NAPB: variants seen among roughly 807,000 people sequenced by gnomAD.
NAPB encodes beta-soluble NSF attachment protein.
A neutral mutation model predicts 44.7 loss-of-function variants in NAPB; 26 were observed. The ratio of observed to expected loss-of-function variants is 0.58; its 90% CI spans 0.43 to 0.81. The LOEUF is 0.81. Among genes scored for constraint, NAPB ranks in the 30% least tolerant of loss-of-function variants. The probability of loss-of-function intolerance (pLI) is 0.00; values close to 1 mark genes in which losing one functional copy is unlikely to be tolerated. For missense variants in NAPB, 315 were observed against 356.4 expected, an observed-to-expected ratio of 0.88 and a Z score of 0.94; for synonymous variants, 120 against 116.8, an observed-to-expected ratio of 1.03 and a Z score of -0.18.
At chr20:23,384,591 C>T (rs1983322856) in intron 7 of NAPB, among the ~76,000 whole-genome samples, 1 of 151,392 alleles carries the variant, frequency 6.6e-6, no homozygotes, top group South Asian at 2.1e-4. Flanking sequence ...CATTTCCCTC[C>T]AGCCTGGGTG....
At position 23,381,287 on chromosome 20, in the gene NAPB, A is replaced by G. The variant is rs1310154061; in HGVS notation, c.592T>C (p.Leu198=). 2 of 1,605,640 alleles carry G rather than the reference A, an allele frequency of 1.2e-6. No individual in the cohort carries two copies. The highest frequency in any genetic ancestry group is 2.7e-5 in the African/African-American group (2 of 74,510). ...AAGTAATCCTTTGCACTGTATTTCAACAAAGGATTATCCATTGTGTTTGCC... is the reference window on the plus strand; with the variant it reads ...AAGTAATCCTTTGCACTGTATTTCAGCAAAGGATTATCCATTGTGTTTGCC... ...VGANTMDNPL[L]KYSAKDYFFK... Residue 198 remains leucine, a synonymous_variant, in exon 8 of 11, where the codon TTG becomes CTG. Coordinates refer to ENST00000377026, the MANE Select transcript of NAPB (RefSeq NM_022080.3).
At chr20:23,397,257 T>G in intron 2 of NAPB, 69 bp from the exon 3 acceptor site, 2 of 1,491,106 alleles carry the variant, frequency 1.3e-6, no homozygotes, top group Non-Finnish European at 1.8e-6. Flanking sequence ...CTGTAAGCAC[T>G]GGACCTCCCT....
chr20:23,381,825 T>C (rs1983026886), intron 7 of NAPB, among the ~76,000 whole-genome samples: 1 of 152,122 alleles, frequency 6.6e-6, no homozygotes, highest in Non-Finnish European at 1.5e-5. Context: ...AGACAATAAC[T>C]GCTCTACTCC....
chr20:23,376,806 C>A lies in NAPB; in HGVS notation c.*570G>T, dbSNP rs938958245. The A allele has an allele frequency of 2.0e-5, 3 of 152,172 alleles. No homozygotes were observed. The highest frequency in any genetic ancestry group is 7.2e-5 in the African/African-American group (3 of 41,428). The allele number at this position is 152,172 out of a possible 1,614,324, so 9.4% of individuals were successfully genotyped here. A position where few individuals can be genotyped will look rare whatever the true frequency, so the allele number is the denominator to read the frequency against. On this transcript the variant is annotated 3_prime_UTR_variant, in exon 11 of 11. Coordinates refer to ENST00000377026, the MANE Select transcript of NAPB (RefSeq NM_022080.3). ...GTGATGCCTACAGACCCTGGCTATT[C>A]TAAATTTTTGCCATGCACATGTTAG... is the stretch of plus-strand genomic sequence containing the variant.
intron 1 of NAPB, among the ~76,000 whole-genome samples, chr20:23,415,361 C>T (rs6083120): frequency 0.08 from 12,072 of 151,844 alleles, 1,120 homozygotes; most frequent in African/African-American, 0.22. Context: ...TTTGGGAGGC[C>T]GAGGTGGACG....
rs754005414 is a variant in NAPB, at chr20:23,397,232, C to CG, written c.179-45_179-44insC. 3 of 1,575,546 alleles carry CG rather than the reference C, an allele frequency of 1.9e-6. No individual in the cohort carries two copies. In the East Asian group the frequency reaches 6.9e-5, roughly 36 times the overall value. On this transcript the variant is annotated intron_variant, in intron 2 of 10. Coordinates refer to ENST00000377026, the MANE Select transcript of NAPB (RefSeq NM_022080.3). Reference sequence around the variant, plus strand: ...TTAAACACAGAGGAACAAGTCCCCCCCAGAGCAGCCCATGCTGTAAGCACT... The same window carrying CG: ...TTAAACACAGAGGAACAAGTCCCCCCGCAGAGCAGCCCATGCTGTAAGCACT...
intron 7 of NAPB, among the ~76,000 whole-genome samples, chr20:23,387,459 C>T (rs75391184): frequency 0.025 from 3,729 of 151,926 alleles, 151 homozygotes; most frequent in African/African-American, 0.084. Context: ...TTGTTATTTG[C>T]AGATAACATG....
intron 8 of NAPB, 69 bp downstream of exon 8, chr20:23,381,144 A>G (rs1157402019): frequency 2.9e-6 from 3 of 1,047,404 alleles, no homozygotes; most frequent in Non-Finnish European, 4.5e-6. Context: ...AATGATACCA[A>G]GAACAAGAGA....
intron 9 of NAPB, 178 bp from the exon 10 acceptor site, chr20:23,379,673 C>G: frequency 1.5e-6 from 1 of 662,380 alleles, no homozygotes; most frequent in South Asian, 2.0e-5. Flanking sequence ...TCTCAGGTGC[C>G]TATTTCAGAA....
At chr20:23,393,223 A>G (rs1984099641) in intron 5 of NAPB, among the ~76,000 whole-genome samples, 1 of 152,186 alleles carries the variant, frequency 6.6e-6, no homozygotes, top group Non-Finnish European at 1.5e-5. Flanking sequence ...CCTTCCAAAG[A>G]GAAGGCTCAC....
rs114458097 is a variant in NAPB, at chr20:23,402,425, C to G, written c.178+568G>C. 7.4e-3 allele frequency among the ~76,000 whole-genome samples: 1,124 copies of G among 152,228 alleles called. 8 individuals are homozygous for G. The highest frequency in any genetic ancestry group is 0.026 in the African/African-American group (1,069 of 41,536). On this transcript the variant is annotated intron_variant, in intron 2 of 10. Coordinates refer to ENST00000377026, the MANE Select transcript of NAPB (RefSeq NM_022080.3). ...ATAATCCTGTGAATTTTGTTATGCC[C>G]GGTCTCACTGGGTAGAAAGCATTAC...
At chr20:23,410,545 G>C (rs951848814) in intron 1 of NAPB, among the ~76,000 whole-genome samples, 3 of 152,186 alleles carry the variant, frequency 2.0e-5, no homozygotes, top group African/African-American at 4.8e-5. Flanking sequence ...CACTAGCGGG[G>C]TATGGGGAGA....
At chr20:23,418,292 C>G (rs899823249) in intron 1 of NAPB, among the ~76,000 whole-genome samples, 2 of 152,122 alleles carry the variant, frequency 1.3e-5, no homozygotes, top group South Asian at 4.1e-4. Flanking sequence ...GGATTACATG[C>G]AGACCTTTAG....
rs1982795474 is a variant in NAPB, at chr20:23,379,179, A to G, written c.786+266T>C. 10 of 339,618 alleles carry G rather than the reference A, an allele frequency of 2.9e-5. No individual in the cohort carries two copies. The East Asian group carries it at 4.9e-4, about 16-fold the overall frequency. 21.0% of individuals were successfully genotyped at this position (339,618 alleles called of 1,614,324 possible). ...TATTTTCAAAAGAAAAAATTAAAAC[A>G]GCAAATTATAAGAATATAAATGGAA... On this transcript the variant is annotated intron_variant, in intron 10 of 10. Coordinates refer to ENST00000377026, the MANE Select transcript of NAPB (RefSeq NM_022080.3).
chr20:23,411,440 T>C (rs1453391509), intron 1 of NAPB, among the ~76,000 whole-genome samples: 3 of 152,158 alleles, frequency 2.0e-5, no homozygotes, highest in Non-Finnish European at 2.9e-5. Flanking sequence ...CCAAGGATTA[T>C]ACAACCAGGC....
At chr20:23,401,710 G>A (rs547680609) in intron 2 of NAPB, among the ~76,000 whole-genome samples, 8 of 152,092 alleles carry the variant, frequency 5.3e-5, no homozygotes, top group East Asian at 3.9e-4. Flanking sequence ...GTGAAACCCC[G>A]TCTCTACTAA....
Position 23,377,366 on chromosome 20 carries a change from CA to C in NAPB, c.*9del. The C allele has an allele frequency of 6.4e-7, 1 of 1,565,934 alleles. No individual in the cohort carries two copies. Among genetic ancestry groups the C allele is most frequent in the Non-Finnish European group, 8.7e-7 (1 of 1,145,036 alleles). On this transcript the variant is annotated 3_prime_UTR_variant, in exon 11 of 11. Coordinates refer to ENST00000377026, the MANE Select transcript of NAPB (RefSeq NM_022080.3). The stretch of plus-strand genomic sequence containing the variant: ...AGGAGTTAGCTGCATGCCACAAAGA[CA>C]AAAACATTTCATTTTAGGTCTCCAT...
chr20:23,379,832 A>G, intron 9 of NAPB, 35 bp downstream of exon 9: 2 of 1,537,936 alleles, frequency 1.3e-6, no homozygotes, highest in South Asian at 2.3e-5. Context: ...TAACAGAACA[A>G]AAGCATTTTT....
intron 7 of NAPB, among the ~76,000 whole-genome samples, chr20:23,389,522 T>G (rs1223395651): frequency 6.6e-6 from 1 of 152,138 alleles, no homozygotes; most frequent in Non-Finnish European, 1.5e-5. Context: ...ATCCATAAAT[T>G]GATAAATAAA....
Sources: gnomAD v4.1 joint callset for allele counts (sites outside exome capture counted in the v4.1 genomes callset) on GRCh38, gnomAD v4.1.1 for gene constraint, MANE v1.5 for transcripts, NCBI Gene and HGNC (gene_info 2026-07-23, HGNC 2026-07-21) for gene names.